TRIP11: variants seen among roughly 807,000 people sequenced by gnomAD.
The protein encoded by TRIP11 is thyroid hormone receptor interactor 11.
Under a neutral mutation model 223.1 loss-of-function variants are expected in TRIP11, and 148 were observed. That is an observed-to-expected ratio of 0.66 (90% CI 0.58 to 0.76). TRIP11 has a LOEUF of 0.76. Among genes scored for constraint, TRIP11 ranks in the 30% least tolerant of loss-of-function variants. The pLI, the probability that TRIP11 is intolerant of heterozygous loss-of-function variation, is 0.00. For missense variants in TRIP11, 2,043 were observed against 2,222.0 expected (o/e 0.92, Z 1.62); for synonymous variants, 762 against 772.6 (o/e 0.99, Z 0.23).
intron 19 of TRIP11, among the ~76,000 whole-genome samples, chr14:91,973,512 A>G (rs148353147): frequency 1.8e-4 from 28 of 152,324 alleles, no homozygotes; most frequent in African/African-American, 6.7e-4. Flanking sequence ...TAACACAAAC[A>G]TAAAAAATTA....
intron 2 of TRIP11, among the ~76,000 whole-genome samples, chr14:92,031,838 G>T (rs1035716116): frequency 6.6e-6 from 1 of 151,902 alleles, no homozygotes; most frequent in Non-Finnish European, 1.5e-5. Flanking sequence ...TTTGATACAA[G>T]GTCTCACTCT....
chr14:92,023,951 G>A (rs1026636420), intron 3 of TRIP11, among the ~76,000 whole-genome samples: 1 of 151,536 alleles, frequency 6.6e-6, no homozygotes, highest in Non-Finnish European at 1.5e-5. Flanking sequence ...CGCCTCCCAG[G>A]TTCAAGCAAT....
At chr14:92,001,285 T>C (rs368841723) in intron 11 of TRIP11, among the ~76,000 whole-genome samples, 1 of 152,162 alleles carries the variant, frequency 6.6e-6, no homozygotes, top group Non-Finnish European at 1.5e-5. Flanking sequence ...TCCCCCAGGA[T>C]AAATCATTAT....
At chr14:91,972,164 T>C (rs992473495) in intron 20 of TRIP11, among the ~76,000 whole-genome samples, 16 of 152,202 alleles carry the variant, frequency 1.1e-4, no homozygotes, top group Admixed American at 9.8e-4. Context: ...CCACCAACCG[T>C]CCGCTCTAGG....
At chr14:92,012,231 C>T (rs58210772) in intron 7 of TRIP11, among the ~76,000 whole-genome samples, 2,023 of 152,076 alleles carry the variant, frequency 0.013, 30 homozygotes, top group African/African-American at 0.045. Context: ...AATTATCTAA[C>T]GTGATTTAGA....
chr14:92,011,635 T>A, intron 8 of TRIP11, 120 bp downstream of exon 8: 1 of 788,504 alleles, frequency 1.3e-6, no homozygotes, highest in Non-Finnish European at 2.0e-6. Flanking sequence ...TAACTTCTAA[T>A]TATTAGAAAA....
Position 91,969,183 on chromosome 14 carries a change from G to T in TRIP11, c.*490C>A, listed in dbSNP as rs1174691511. ...CCTATGACCTTCCAGCAACAATCTT[G>T]TTGGCCTGTCTCCACAAAGTCCTCT... On this transcript the variant is annotated 3_prime_UTR_variant, in exon 21 of 21. Transcript: ENST00000267622. The T allele has an allele frequency of 8.1e-6, 2 of 247,188 alleles. No homozygotes were observed. Among genetic ancestry groups the T allele is most frequent in the Admixed American group, 4.9e-5 (1 of 20,280 alleles). 15.3% of individuals were successfully genotyped at this position (247,188 alleles called of 1,614,324 possible). A position where few individuals can be genotyped will look rare whatever the true frequency, so the allele number is the denominator to read the frequency against.
chr14:92,024,051 T>C (rs1410908896), intron 3 of TRIP11, among the ~76,000 whole-genome samples: 1 of 150,138 alleles, frequency 6.7e-6, no homozygotes, highest in Non-Finnish European at 1.5e-5. Flanking sequence ...AGATGGGGAA[T>C]CAAGAAAAAA....
At chr14:92,025,542 C>G (rs1025639874) in intron 2 of TRIP11, 122 bp from the exon 3 acceptor site, 1 of 697,256 alleles carries the variant, frequency 1.4e-6, no homozygotes, top group East Asian at 2.8e-5. Flanking sequence ...TAAAAGGTCT[C>G]GGACAGAATT....
intron 3 of TRIP11, among the ~76,000 whole-genome samples, chr14:92,024,788 G>A (rs1321028369): frequency 1.3e-5 from 2 of 152,134 alleles, no homozygotes; most frequent in African/African-American, 4.8e-5. Flanking sequence ...GACACATGAG[G>A]ACACAGACTG....
At chr14:92,026,659 GAC>G in intron 2 of TRIP11, 1 of 1,108,786 alleles carries the variant, frequency 9.0e-7, no homozygotes, top group East Asian at 2.4e-5. Context: ...AAATGGAAGA[GAC>G]GCCCCTGCTG....
At chr14:91,982,481 G>A (rs1489912283) in intron 16 of TRIP11, among the ~76,000 whole-genome samples, 1 of 152,092 alleles carries the variant, frequency 6.6e-6, no homozygotes, top group Non-Finnish European at 1.5e-5. Flanking sequence ...GAGAGGGGGA[G>A]AAGGGCTGAA....
At chr14:91,970,134 C>T (rs1020867894) in intron 20 of TRIP11, among the ~76,000 whole-genome samples, 11 of 152,258 alleles carry the variant, frequency 7.2e-5, no homozygotes, top group South Asian at 2.1e-4. Flanking sequence ...CAGCCAGGCG[C>T]GGTGGCTCAT....
At position 91,978,579 on chromosome 14, in the gene TRIP11, G is replaced by A. The variant is rs2140086854; in HGVS notation, c.5261-2390C>T. Among the ~76,000 whole-genome samples, 1 of 152,210 alleles carries A rather than the reference G, an allele frequency of 6.6e-6. No individual in the cohort carries two copies. Among genetic ancestry groups the A allele is most frequent in the South Asian group, 2.1e-4 (1 of 4,818 alleles). On this transcript the variant is annotated intron_variant, in intron 16 of 20. Coordinates refer to ENST00000267622, the MANE Select transcript of TRIP11 (RefSeq NM_004239.4). This position sits in a 1 kb window ranked among gnomAD's most constrained non-coding sequence, Gnocchi z 4.4. ...TGTGGCATGATCACAGCTCACTGCA[G>A]CCTCAAACTCCTGGGGTCAAGCCAT...
At position 92,003,939 on chromosome 14, in the gene TRIP11, T is replaced by G. The variant is rs200785955; in HGVS notation, c.4037A>C (p.Gln1346Pro). ...TTTTCTTAGCTCTTCTAACTCTTGC[T>G]GAAGCAATTCAGAAGATTCACTCAA... ...EVLSESSELLQQELEELRKSL... is the reference protein window; with the variant it reads ...EVLSESSELLPQELEELRKSL... Residue 1346 changes from glutamine (Q) to proline (P), a missense_variant, in exon 11 of 21, where the codon CAG becomes CCG. Coordinates refer to ENST00000267622, the MANE Select transcript of TRIP11 (RefSeq NM_004239.4). 16 of 1,614,198 alleles carry G rather than the reference T, an allele frequency of 9.9e-6. No homozygotes were observed. In the African/African-American group the frequency reaches 1.6e-4, roughly 16 times the overall value.
chr14:92,015,956 A>T, intron 5 of TRIP11, 95 bp from the exon 6 acceptor site: 1 of 1,212,196 alleles, frequency 8.2e-7, no homozygotes, highest in Non-Finnish European at 1.1e-6. Flanking sequence ...CATTATTAAA[A>T]AGAATTCTCA....
In TRIP11 at chr14:92,022,427, G is replaced by T. The variant is rs371720337; in HGVS notation, c.313-596C>A. On this transcript the variant is annotated intron_variant, in intron 3 of 20. Coordinates refer to ENST00000267622, the MANE Select transcript of TRIP11 (RefSeq NM_004239.4). ...GTTATTAGCCCATGAATCTTAAAAA[G>T]AAATAATATACTGAAAGTGGTCTTA... 3.3e-5 allele frequency among the ~76,000 whole-genome samples: 5 copies of T among 152,130 alleles called. No individual in the cohort carries two copies. In the East Asian group the frequency reaches 7.7e-4, roughly 23 times the overall value.
In TRIP11 at chr14:92,039,698, A is replaced by G; in HGVS notation, c.-13T>C. The G allele has an allele frequency of 6.2e-7, 1 of 1,610,300 alleles. No individual in the cohort carries two copies. The highest frequency in any genetic ancestry group is 8.5e-7 in the Non-Finnish European group (1 of 1,178,358). Reference sequence around the variant, plus strand: ...GCCAGGACGACATCGCGGCGAGTTTAGAGAACGACCCGGTCCGCTCGGAAA... The same window carrying G: ...GCCAGGACGACATCGCGGCGAGTTTGGAGAACGACCCGGTCCGCTCGGAAA... On this transcript the variant is annotated 5_prime_UTR_variant, in exon 1 of 21. Coordinates refer to ENST00000267622, the MANE Select transcript of TRIP11 (RefSeq NM_004239.4).
rs1383072728 is a variant in TRIP11 at position 91,968,551 on chromosome 14, CTG to C, written c.*1120_*1121del. On this transcript the variant is annotated 3_prime_UTR_variant, in exon 21 of 21. Transcript: ENST00000267622. ...GCTAATTATACTTACGTAGATGCAG[CTG>C]TATGGTTTAATGCTTATATGAAAGT... 1 of 216,538 alleles carries C rather than the reference CTG, an allele frequency of 4.6e-6. No homozygotes were observed. The highest frequency in any genetic ancestry group is 9.3e-6 in the Non-Finnish European group (1 of 107,140). The allele number at this position is 216,538 out of a possible 1,614,324, so 13.4% of individuals were successfully genotyped here. A position where few individuals can be genotyped will look rare whatever the true frequency, so the allele number is the denominator to read the frequency against.
Sources: gnomAD v4.1 joint callset for allele counts (sites outside exome capture counted in the v4.1 genomes callset) on GRCh38, gnomAD v4.1.1 for gene constraint, Gnocchi (gnomAD v3.1) non-coding constraint, MANE v1.5 for transcripts, NCBI Gene and HGNC (gene_info 2026-07-23, HGNC 2026-07-21) for gene names.